PCDH11X: variants seen among roughly 807,000 people sequenced by gnomAD.
The protein encoded by PCDH11X is protocadherin-11 X-linked.
Under a neutral mutation model 53.3 loss-of-function variants are expected in PCDH11X, and 18 were observed. The observed-to-expected ratio is 0.34, with a 90% CI of 0.23 to 0.50. PCDH11X has a LOEUF of 0.50. Ranked by LOEUF, PCDH11X falls within the 20% of genes least tolerant of loss-of-function variation. The probability of loss-of-function intolerance (pLI) is 0.98; values close to 1 mark genes in which losing one functional copy is unlikely to be tolerated. For missense variants in PCDH11X, 570 were observed against 1,032.4 expected (o/e 0.55, Z 6.14); for synonymous variants, 279 against 393.3 (o/e 0.71, Z 3.44).
chrX:92,484,183 A>ATG (rs763795642), intron 10 of PCDH11X, among the ~76,000 whole-genome samples: 52 of 32,942 alleles, frequency 1.6e-3, no homozygotes, highest in Non-Finnish European at 2.7e-3. Context: ...ATATGTATGT[A>ATG]TATATATGTA....
chrX:92,585,194 G>A (rs1438566430), intron 10 of PCDH11X, among the ~76,000 whole-genome samples: 1 of 109,600 alleles, frequency 9.1e-6, no homozygotes, highest in Non-Finnish European at 1.9e-5. Flanking sequence ...AGCATCAAGA[G>A]GATGGTTTAG....
chrX:92,289,160 T>C (rs1277347873), intron 8 of PCDH11X, among the ~76,000 whole-genome samples: 2 of 111,531 alleles, frequency 1.8e-5, no homozygotes, highest in Non-Finnish European at 3.8e-5. Context: ...CCTTCAAGAT[T>C]TATCACTGAG....
At chrX:92,270,921 T>C (rs1366995552) in intron 8 of PCDH11X, among the ~76,000 whole-genome samples, 2 of 111,850 alleles carry the variant, frequency 1.8e-5, no homozygotes, top group African/African-American at 3.3e-5. Flanking sequence ...TTATTTTCCA[T>C]TCCCAGAAGA....
intron 5 of PCDH11X, among the ~76,000 whole-genome samples, chrX:91,856,658 G>A (rs986722262): frequency 1.3e-4 from 14 of 109,968 alleles, no homozygotes; most frequent in South Asian, 4.0e-4. Flanking sequence ...GTGTCCATGC[G>A]TTCTCGTTGT....
At chrX:92,216,401 GA>G (rs1263300975) in intron 7 of PCDH11X, among the ~76,000 whole-genome samples, 1 of 105,365 alleles carries the variant, frequency 9.5e-6, no homozygotes, top group Non-Finnish European at 2.0e-5. Context: ...ACTATGTGAA[GA>G]ATGCAGAAGC....
intron 6 of PCDH11X, among the ~76,000 whole-genome samples, chrX:92,014,064 A>G (rs1569308183): frequency 8.9e-6 from 1 of 111,948 alleles, no homozygotes; most frequent in Non-Finnish European, 1.9e-5. Context: ...ACTTCTGCAC[A>G]GCAAAAGAAA....
At chrX:92,330,059 G>T (rs1226775061) in intron 8 of PCDH11X, among the ~76,000 whole-genome samples, 1 of 110,423 alleles carries the variant, frequency 9.1e-6, no homozygotes, top group East Asian at 2.9e-4. Context: ...TGATTATTAT[G>T]CATTATATGC....
At chrX:92,461,658 A>G (rs5984187) in intron 9 of PCDH11X, among the ~76,000 whole-genome samples, 1,272 of 111,631 alleles carry the variant, frequency 0.011, 20 homozygotes, top group African/African-American at 0.038. Flanking sequence ...GCAAAGACTT[A>G]TTGACCAATG....
chrX:92,147,830 T>TCTTTCTTTCTTTCTTTCTTTC (rs2065303141), intron 6 of PCDH11X, among the ~76,000 whole-genome samples: 1 of 93,421 alleles, frequency 1.1e-5, no homozygotes, highest in Admixed American at 1.2e-4. Flanking sequence ...TTTCTTTCTT[T>TCTTTCTTTCTTTCTTTCTTTC]CTTTCTTTCT....
At chrX:92,267,982 G>T (rs1431270840) in intron 8 of PCDH11X, among the ~76,000 whole-genome samples, 1 of 111,654 alleles carries the variant, frequency 9.0e-6, no homozygotes, top group Non-Finnish European at 1.9e-5. Context: ...CCCCCAAAAG[G>T]CCCCATCTTC....
chrX:92,438,736 C>T (rs2072446867), intron 9 of PCDH11X, among the ~76,000 whole-genome samples: 1 of 111,439 alleles, frequency 9.0e-6, no homozygotes, highest in Non-Finnish European at 1.9e-5. Context: ...ATCTACCCCA[C>T]TTTGTCCATT....
intron 4 of PCDH11X, among the ~76,000 whole-genome samples, chrX:91,828,789 G>C (rs1274362054): frequency 9.0e-6 from 1 of 111,460 alleles, no homozygotes; most frequent in African/African-American, 3.3e-5. Context: ...TTGTCTCACG[G>C]GGTGAATGAA....
chrX:92,333,056 G>C (rs1021839954), intron 8 of PCDH11X, among the ~76,000 whole-genome samples: 1 of 110,051 alleles, frequency 9.1e-6, no homozygotes, highest in African/African-American at 3.3e-5. Context: ...GTACATGGGA[G>C]GCAACAGAAG....
At chrX:91,842,152 G>A (rs1937532338) in intron 5 of PCDH11X, among the ~76,000 whole-genome samples, 1 of 106,678 alleles carries the variant, frequency 9.4e-6, no homozygotes, top group South Asian at 4.2e-4. Context: ...ATTTATCAGT[G>A]TACAGTCATC....
At chrX:92,016,125 G>T (rs1275990734) in intron 6 of PCDH11X, among the ~76,000 whole-genome samples, 1 of 112,784 alleles carries the variant, frequency 8.9e-6, no homozygotes, top group Non-Finnish European at 1.9e-5. Flanking sequence ...CTTTTTTTTA[G>T]CATTAGGGAT....
intron 9 of PCDH11X, among the ~76,000 whole-genome samples, chrX:92,437,933 A>T (rs1040469115): frequency 3.6e-5 from 4 of 111,863 alleles, no homozygotes; most frequent in African/African-American, 1.3e-4. Flanking sequence ...TGTATTGAAA[A>T]CAATAAGGGA....
intron 10 of PCDH11X, among the ~76,000 whole-genome samples, chrX:92,554,620 T>G (rs12857351): frequency 0.4 from 42,592 of 107,827 alleles, 6,541 homozygotes; most frequent in South Asian, 0.48. Flanking sequence ...ATTTTTAAAT[T>G]GATATATTAT....
intron 6 of PCDH11X, among the ~76,000 whole-genome samples, chrX:92,082,905 A>G (rs2063885489): frequency 9.9e-6 from 1 of 100,758 alleles, no homozygotes; most frequent in South Asian, 4.2e-4. Flanking sequence ...TAAGTAACAC[A>G]ATTATTGCAG....
chrX:91,960,613 A>G (rs2061774904), intron 6 of PCDH11X, among the ~76,000 whole-genome samples: 1 of 110,808 alleles, frequency 9.0e-6, no homozygotes, highest in Non-Finnish European at 1.9e-5. Flanking sequence ...TTGTAGAGAC[A>G]GGCTTTCACC....
Sources: gnomAD v4.1 joint callset for allele counts (sites outside exome capture counted in the v4.1 genomes callset) on GRCh38, gnomAD v4.1.1 for gene constraint, MANE v1.5 for transcripts, NCBI Gene and HGNC (gene_info 2026-07-23, HGNC 2026-07-21) for gene names.